Variants in ADAMTSL1 observed in about 807,000 individuals in gnomAD.
The protein encoded by ADAMTSL1 is ADAMTS-like protein 1.
In ADAMTSL1, 126 loss-of-function variants were observed where a neutral mutation model predicts 201.8. That is an observed-to-expected ratio of 0.62 (90% confidence interval 0.54 to 0.72). The LOEUF is 0.72. Ranked by LOEUF, ADAMTSL1 falls within the 30% of genes least tolerant of loss-of-function variation. The pLI, the probability that ADAMTSL1 is intolerant of heterozygous loss-of-function variation, is 0.00. For synonymous variants in ADAMTSL1, 1,121 were observed against 903.4 expected (o/e 1.24, Z -4.32); for missense variants, 2,679 against 2,277.8 (o/e 1.18, Z -3.59).
intron 1 of ADAMTSL1, among the ~76,000 whole-genome samples, chr9:17,979,917 G>A (rs536040564): frequency 6.6e-6 from 1 of 152,034 alleles, no homozygotes; most frequent in South Asian, 2.1e-4. Flanking sequence ...TTCTGCTTGG[G>A]TCCAGAAGGA....
At chr9:18,630,451 A>G (rs372837203) in intron 5 of ADAMTSL1, among the ~76,000 whole-genome samples, 1 of 152,236 alleles carries the variant, frequency 6.6e-6, no homozygotes. Flanking sequence ...GTCCTTCTGT[A>G]TAGCTCTCTC....
chr9:18,713,475 AC>A (rs1564173650), intron 14 of ADAMTSL1, among the ~76,000 whole-genome samples: 2 of 152,152 alleles, frequency 1.3e-5, no homozygotes, highest in African/African-American at 4.8e-5. Flanking sequence ...CAGACTTTAA[AC>A]CAACAAAGAT....
chr9:17,954,692 T>G (rs796154210), intron 1 of ADAMTSL1, among the ~76,000 whole-genome samples: 2 of 152,102 alleles, frequency 1.3e-5, no homozygotes, highest in African/African-American at 4.8e-5. Context: ...TATAAGGTAG[T>G]TTGAGCCAGA....
intron 1 of ADAMTSL1, among the ~76,000 whole-genome samples, chr9:18,501,638 T>C (rs925593993): frequency 6.6e-6 from 1 of 151,930 alleles, no homozygotes; most frequent in African/African-American, 2.4e-5. Flanking sequence ...TTTTAAATAA[T>C]CAGAAAGGCA....
chr9:18,057,498 C>T (rs960685311), intron 1 of ADAMTSL1, among the ~76,000 whole-genome samples: 1 of 152,194 alleles, frequency 6.6e-6, no homozygotes, highest in African/African-American at 2.4e-5. Flanking sequence ...GGGGGACTTG[C>T]AAATTTCCTT....
chr9:18,234,196 G>A (rs889998884), intron 2 of ADAMTSL1, among the ~76,000 whole-genome samples: 3 of 152,292 alleles, frequency 2.0e-5, no homozygotes, highest in Admixed American at 6.5e-5. Flanking sequence ...TGGGTGCCTC[G>A]GAGGACTGGT....
At chr9:18,172,268 A>C (rs551032584) in intron 2 of ADAMTSL1, among the ~76,000 whole-genome samples, 214 of 152,180 alleles carry the variant, frequency 1.4e-3, no homozygotes, top group South Asian at 1.7e-3. Context: ...CCAGAACTTA[A>C]AGTATATATA....
chr9:18,673,456 C>G (rs968317883), intron 9 of ADAMTSL1, among the ~76,000 whole-genome samples: 2 of 152,224 alleles, frequency 1.3e-5, no homozygotes, highest in African/African-American at 4.8e-5. Flanking sequence ...TCACCATGAC[C>G]CATGTCATAG....
At chr9:18,557,144 C>A (rs1279215813) in intron 3 of ADAMTSL1, among the ~76,000 whole-genome samples, 1 of 151,986 alleles carries the variant, frequency 6.6e-6, no homozygotes, top group Non-Finnish European at 1.5e-5. Flanking sequence ...TCACTGGTAT[C>A]ATGAAACAGT....
chr9:18,552,735 A>T (rs1820862991), intron 3 of ADAMTSL1, among the ~76,000 whole-genome samples: 1 of 151,636 alleles, frequency 6.6e-6, no homozygotes, highest in African/African-American at 2.4e-5. Context: ...AAATTGTTTG[A>T]TCTTTCTGAA....
At chr9:18,371,628 A>T (rs1196399041) in intron 2 of ADAMTSL1, among the ~76,000 whole-genome samples, 2 of 152,258 alleles carry the variant, frequency 1.3e-5, no homozygotes, top group Non-Finnish European at 2.9e-5. Context: ...TATATCGAAT[A>T]GGGTTTTAGA....
chr9:18,290,511 T>C (rs1833209194), intron 2 of ADAMTSL1, among the ~76,000 whole-genome samples: 1 of 152,106 alleles, frequency 6.6e-6, no homozygotes, highest in Non-Finnish European at 1.5e-5. Flanking sequence ...TGGTAGAGGC[T>C]TGGGATAGGG....
In ADAMTSL1 at chr9:17,925,599, G is replaced by A. The variant is rs1335105037; in HGVS notation, c.87+18677G>A. Among the ~76,000 whole-genome samples the A allele has an allele frequency of 2.3e-4, 28 of 124,074 alleles. 2 individuals carry two copies. The highest frequency in any genetic ancestry group is 3.3e-4 in the Non-Finnish European group (19 of 58,044). 81.4% of individuals were successfully genotyped at this position (124,074 alleles called of 152,430 possible). Reference sequence around the variant, plus strand: ...AAATCATCATTCTCAGTAAACTATCGCAAGAACAAAAAACCAAACACCGCA... The same window carrying A: ...AAATCATCATTCTCAGTAAACTATCACAAGAACAAAAAACCAAACACCGCA... On this transcript the variant is annotated intron_variant, in intron 1 of 29. Coordinates refer to the ADAMTSL1 transcript ENST00000680146.
intron 1 of ADAMTSL1, among the ~76,000 whole-genome samples, chr9:18,019,072 A>G (rs1820376864): frequency 6.6e-6 from 1 of 152,152 alleles, no homozygotes; most frequent in African/African-American, 2.4e-5. Flanking sequence ...AGTTAAGAAA[A>G]TGTTTTCGAA....
chr9:18,336,634 G>A (rs1041993328), intron 2 of ADAMTSL1, among the ~76,000 whole-genome samples: 8 of 151,992 alleles, frequency 5.3e-5, no homozygotes, highest in Admixed American at 2.0e-4. Context: ...TTTATAGATG[G>A]GTGAAGTGGA....
rs547360081 is a variant in ADAMTSL1 at position 18,186,742 on chromosome 9, G to T, written c.207+22761G>T. ...CACATTTTATAAAACACTTTTCCTT[G>T]CATCCAGTCACTTGATCTTCTTGGT... On this transcript the variant is annotated intron_variant, in intron 2 of 29. Transcript: ENST00000680146. 5.3e-5 allele frequency among the ~76,000 whole-genome samples: 8 copies of T among 151,998 alleles called. No individual in the cohort carries two copies. The South Asian group carries it at 1.7e-3, about 32-fold the overall frequency.
rs73424909 is a variant in ADAMTSL1 at position 18,149,889 on chromosome 9, T to C, written c.88-13973T>C. Among the ~76,000 whole-genome samples, 1,043 of 152,030 alleles carry C rather than the reference T, an allele frequency of 6.9e-3. 9 individuals carry two copies. The highest frequency in any genetic ancestry group is 0.024 in the African/African-American group (982 of 41,500). On this transcript the variant is annotated intron_variant, in intron 1 of 29. Transcript: ENST00000680146. ...GCAGGGCTAGGATATAGCAATTAAT[T>C]TAATGTAGAGGGAAAAGAAAAGACA... is the stretch of plus-strand genomic sequence containing the variant.
chr9:18,131,303 T>C (rs774244731), intron 1 of ADAMTSL1, among the ~76,000 whole-genome samples: 30 of 152,198 alleles, frequency 2.0e-4, no homozygotes, highest in Non-Finnish European at 7.3e-5. Flanking sequence ...GACCCAAAAT[T>C]ATACCAGTAT....
chr9:18,447,216 A>T (rs1446118465), intron 2 of ADAMTSL1, among the ~76,000 whole-genome samples: 1 of 152,192 alleles, frequency 6.6e-6, no homozygotes, highest in African/African-American at 2.4e-5. Flanking sequence ...TGTGCATGGT[A>T]AATAAAGGTT....
Sources: gnomAD v4.1 joint callset for allele counts (sites outside exome capture counted in the v4.1 genomes callset) on GRCh38, gnomAD v4.1.1 for gene constraint, MANE v1.5 for transcripts, NCBI Gene and HGNC (gene_info 2026-07-23, HGNC 2026-07-21) for gene names.